Variants in KCNMB2 observed in about 807,000 individuals in gnomAD.
KCNMB2 encodes the protein potassium calcium-activated channel subfamily M regulatory beta subunit 2, also known as calcium-activated potassium channel subunit beta-2.
In KCNMB2, 9 loss-of-function variants were observed where a neutral mutation model predicts 24.5. The observed-to-expected ratio is 0.37, with a 90% CI of 0.22 to 0.64. The LOEUF (loss-of-function observed/expected upper bound fraction) is 0.64, where lower values mean the gene tolerates loss of function less well. Ranked by LOEUF, KCNMB2 falls within the 30% of genes least tolerant of loss-of-function variation. The pLI is 0.63. For missense variants in KCNMB2, 226 were observed against 284.3 expected, an observed-to-expected ratio of 0.79 and a Z score of 1.47; for synonymous variants, 109 against 104.4, an observed-to-expected ratio of 1.04 and a Z score of -0.27.
intron 1 of KCNMB2, among the ~76,000 whole-genome samples, chr3:178,559,409 T>C (rs1003497215): frequency 6.6e-6 from 1 of 151,988 alleles, no homozygotes; most frequent in Non-Finnish European, 1.5e-5. Context: ...TCTCAAGTAT[T>C]TTACTATGAG....
At chr3:178,662,372 T>A (rs1043815218) in intron 1 of KCNMB2, among the ~76,000 whole-genome samples, 4 of 152,120 alleles carry the variant, frequency 2.6e-5, no homozygotes, top group Non-Finnish European at 5.9e-5. Flanking sequence ...TCAAAAAAGT[T>A]TTGAAAAACG....
At chr3:178,620,177 A>T (rs1718857435) in intron 1 of KCNMB2, among the ~76,000 whole-genome samples, 1 of 152,172 alleles carries the variant, frequency 6.6e-6, no homozygotes, top group Admixed American at 6.5e-5. Flanking sequence ...TAATATTTTT[A>T]AGGACTTGTT....
chr3:178,719,968 C>CT (rs546154098), intron 1 of KCNMB2, among the ~76,000 whole-genome samples: 10 of 151,886 alleles, frequency 6.6e-5, no homozygotes, highest in Admixed American at 1.3e-4. Flanking sequence ...GGTATATAAT[C>CT]TTTTTTTTCA....
intron 1 of KCNMB2, among the ~76,000 whole-genome samples, chr3:178,731,844 A>T (rs1274552694): frequency 6.6e-6 from 1 of 152,244 alleles, no homozygotes. Context: ...CAGAGTTTGC[A>T]GTGAGCCTAG....
intron 1 of KCNMB2, among the ~76,000 whole-genome samples, chr3:178,548,272 A>C (rs1011231526): frequency 1.3e-4 from 20 of 152,318 alleles, no homozygotes; most frequent in African/African-American, 2.9e-4. Flanking sequence ...AATACTATAG[A>C]TAGATCTTGC....
intron 2 of KCNMB2, among the ~76,000 whole-genome samples, chr3:178,816,742 T>G (rs965099791): frequency 6.6e-6 from 1 of 152,142 alleles, no homozygotes; most frequent in Non-Finnish European, 1.5e-5. Flanking sequence ...CATGAGTTCT[T>G]TGTACTATGG....
chr3:178,627,266 G>T (rs1215864731), intron 1 of KCNMB2, among the ~76,000 whole-genome samples: 1 of 152,070 alleles, frequency 6.6e-6, no homozygotes, highest in Non-Finnish European at 1.5e-5. Flanking sequence ...TTCCTTAAAT[G>T]TACAACTACA....
intron 1 of KCNMB2, among the ~76,000 whole-genome samples, chr3:178,717,877 A>C (rs1411356303): frequency 2.0e-5 from 3 of 148,674 alleles, no homozygotes; most frequent in Non-Finnish European, 4.4e-5. Flanking sequence ...GAATTTTGTC[A>C]GTACTTTCTT....
intron 1 of KCNMB2, among the ~76,000 whole-genome samples, chr3:178,569,302 G>A (rs993037843): frequency 5.3e-5 from 8 of 152,108 alleles, no homozygotes; most frequent in African/African-American, 1.9e-4. Context: ...GGCCCCACAC[G>A]ATCATGGTGG....
chr3:178,551,498 T>C (rs908838019), intron 1 of KCNMB2, among the ~76,000 whole-genome samples: 1 of 152,204 alleles, frequency 6.6e-6, no homozygotes, highest in Non-Finnish European at 1.5e-5. Flanking sequence ...TTTCGAACCT[T>C]CTTCACTAAG....
intron 1 of KCNMB2, among the ~76,000 whole-genome samples, chr3:178,615,950 T>G (rs1203127566): frequency 1.3e-5 from 2 of 152,160 alleles, no homozygotes; most frequent in Non-Finnish European, 2.9e-5. Context: ...CCCAGGTGTC[T>G]AGAAATGTCA....
chr3:178,810,902 CTTTTTT>C (rs56925343), intron 2 of KCNMB2, among the ~76,000 whole-genome samples: 5 of 107,988 alleles, frequency 4.6e-5, no homozygotes, highest in Non-Finnish European at 9.0e-5. Flanking sequence ...ACCTGGCTAA[CTTTTTT>C]TTTTTTTTTT....
chr3:178,820,652 C>T (rs564613689), intron 2 of KCNMB2: 186 of 152,660 alleles, frequency 1.2e-3, no homozygotes, highest in African/African-American at 4.3e-3. Context: ...GGCTGACCCC[C>T]AATATCAAAC....
At chr3:178,596,962 A>C (rs1717900599) in intron 1 of KCNMB2, among the ~76,000 whole-genome samples, 1 of 152,152 alleles carries the variant, frequency 6.6e-6, no homozygotes, top group African/African-American at 2.4e-5. Flanking sequence ...TCTATGTGGC[A>C]TATGGCTGGA....
At chr3:178,567,564 G>A (rs1374578301) in intron 1 of KCNMB2, among the ~76,000 whole-genome samples, 3 of 151,982 alleles carry the variant, frequency 2.0e-5, no homozygotes, top group Non-Finnish European at 4.4e-5. Flanking sequence ...TTTTGCTATA[G>A]TCAGGCCTGC....
intron 1 of KCNMB2, among the ~76,000 whole-genome samples, chr3:178,716,331 G>C (rs1722616585): frequency 1.3e-5 from 2 of 152,094 alleles, no homozygotes; most frequent in Admixed American, 1.3e-4. Flanking sequence ...AACCTCATGA[G>C]CTACATACTA....
chr3:178,767,882 T>TAC (rs77999585), intron 1 of KCNMB2, among the ~76,000 whole-genome samples: 2 of 152,180 alleles, frequency 1.3e-5, no homozygotes, highest in Non-Finnish European at 2.9e-5. Flanking sequence ...ACTCCTTATC[T>TAC]ACACACACAC....
intron 1 of KCNMB2, among the ~76,000 whole-genome samples, chr3:178,754,917 G>C (rs6797721): frequency 0.32 from 48,783 of 152,032 alleles, 8,029 homozygotes; most frequent in African/African-American, 0.36. Flanking sequence ...TTCCTCTCCC[G>C]CAGCCTCTAA....
intron 1 of KCNMB2, among the ~76,000 whole-genome samples, chr3:178,641,669 C>T (rs1719732895): frequency 6.6e-6 from 1 of 151,842 alleles, no homozygotes; most frequent in South Asian, 2.1e-4. Context: ...CTTGTTTTTA[C>T]CTTACTGCAG....
Sources: allele counts gnomAD v4.1 joint callset (sites outside exome capture counted in the v4.1 genomes callset), GRCh38; gene constraint gnomAD v4.1.1; transcripts MANE v1.5; gene names NCBI Gene and HGNC (gene_info 2026-07-23, HGNC 2026-07-21).